RIPOR2: variants seen among roughly 807,000 people sequenced by gnomAD.
RIPOR2 encodes rho family-interacting cell polarization regulator 2.
In RIPOR2, 39 loss-of-function variants were observed where a neutral mutation model predicts 114.5. The ratio of observed to expected loss-of-function variants is 0.34; its 90% CI spans 0.26 to 0.44. The LOEUF is 0.44. Among genes scored for constraint, RIPOR2 ranks in the 20% least tolerant of loss-of-function variants. The pLI, the probability that RIPOR2 is intolerant of heterozygous loss-of-function variation, is 1.00. For missense variants in RIPOR2, 1,007 were observed against 1,255.1 expected (o/e 0.80, Z 2.99); for synonymous variants, 445 against 484.4 (o/e 0.92, Z 1.07).
chr6:25,011,094 A>G (rs79279940), intron 1 of RIPOR2, among the ~76,000 whole-genome samples: 1,904 of 152,298 alleles, frequency 0.013, 16 homozygotes, highest in Middle Eastern at 0.02. Context: ...TACAGAATCT[A>G]TGAAAAAAAA....
intron 2 of RIPOR2, 97 bp from the exon 3 acceptor site, chr6:24,873,896 CA>C: frequency 9.4e-7 from 1 of 1,065,750 alleles, no homozygotes; most frequent in Non-Finnish European, 1.4e-6. Flanking sequence ...GTTTTAGAGA[CA>C]AAGTCTTCTT....
chr6:25,013,291 A>C (rs1252528304), intron 1 of RIPOR2, among the ~76,000 whole-genome samples: 1 of 152,046 alleles, frequency 6.6e-6, no homozygotes, highest in Non-Finnish European at 1.5e-5. Flanking sequence ...TTTCTTTCAG[A>C]ACAGTGATTC....
chr6:25,019,774 C>CA (rs34107737), intron 1 of RIPOR2, among the ~76,000 whole-genome samples: 6,343 of 53,148 alleles, frequency 0.12, 1,010 homozygotes, highest in African/African-American at 0.31. Context: ...GACTCTGTCT[C>CA]AAAAAAAAAA....
chr6:25,022,431 C>T (rs1295127999), intron 1 of RIPOR2, among the ~76,000 whole-genome samples: 1 of 148,944 alleles, frequency 6.7e-6, no homozygotes, highest in Non-Finnish European at 1.5e-5. Context: ...AGTCATATCT[C>T]ATTGTATGGA....
intron 1 of RIPOR2, chr6:25,015,888 GTTTTTT>G (rs1775952723): frequency 2.7e-5 from 2 of 74,046 alleles, no homozygotes; most frequent in African/African-American, 1.1e-4. Flanking sequence ...AAAAACGCAG[GTTTTTT>G]GGTTTTTTTT....
chr6:24,960,211 T>G (rs933993625), intron 1 of RIPOR2, among the ~76,000 whole-genome samples: 22 of 152,174 alleles, frequency 1.4e-4, no homozygotes, highest in South Asian at 1.0e-3. Context: ...ATCCTGAGAC[T>G]GGGTAATTTA....
At chr6:25,006,791 C>T (rs886530465) in intron 1 of RIPOR2, among the ~76,000 whole-genome samples, 2 of 152,244 alleles carry the variant, frequency 1.3e-5, no homozygotes, top group African/African-American at 4.8e-5. Flanking sequence ...AAATATAGCA[C>T]AGCTATATAA....
intron 12 of RIPOR2, chr6:24,847,627 G>A (rs1389128903): frequency 1.5e-5 from 24 of 1,551,586 alleles, no homozygotes; most frequent in Non-Finnish European, 2.0e-5. Context: ...GGCAAAGAAA[G>A]TGTCTTGCAA....
chr6:25,034,542 T>C (rs1473843892), intron 1 of RIPOR2, among the ~76,000 whole-genome samples: 3 of 152,212 alleles, frequency 2.0e-5, no homozygotes, highest in Non-Finnish European at 4.4e-5. Flanking sequence ...ATTCTGGTAA[T>C]TTTCTGTTAC....
intron 1 of RIPOR2, chr6:24,876,965 G>A (rs1364158236): frequency 1.0e-6 from 1 of 985,296 alleles, no homozygotes; most frequent in South Asian, 4.7e-5. Context: ...GTCTTAGCAG[G>A]TGACTTCAAT....
chr6:24,957,395 C>G (rs1561807095), intron 1 of RIPOR2, among the ~76,000 whole-genome samples: 1 of 152,084 alleles, frequency 6.6e-6, no homozygotes, highest in Admixed American at 6.5e-5. Context: ...GTAACTTGTC[C>G]AAAGTTACAT....
Position 24,935,320 on chromosome 6 carries a change from C to CAA in RIPOR2, c.61+516_61+517dup, listed in dbSNP as rs976245217. Among the ~76,000 whole-genome samples the CAA allele has an allele frequency of 2.7e-4, 6 of 21,836 alleles. No homozygotes were observed. In the East Asian group the frequency reaches 3.5e-3, roughly 13 times the overall value. 14.3% of individuals were successfully genotyped at this position (21,836 alleles called of 152,430 possible). ...AAGACTCTGTCTCAAAAAACAACAA[C>CAA]AAAAAAAAAAAAAAAAAAAAAGAGA... On this transcript the variant is annotated intron_variant, in intron 1 of 21. Transcript: ENST00000643898.
intron 1 of RIPOR2, among the ~76,000 whole-genome samples, chr6:24,924,851 G>A (rs1770747204): frequency 6.6e-6 from 1 of 152,118 alleles, no homozygotes; most frequent in South Asian, 2.1e-4. Context: ...TAAAAAGCTA[G>A]ATAAATAGTT....
intron 1 of RIPOR2, among the ~76,000 whole-genome samples, chr6:24,922,719 G>C (rs1351938826): frequency 6.6e-6 from 1 of 151,896 alleles, no homozygotes; most frequent in Non-Finnish European, 1.5e-5. Flanking sequence ...AATTAGCCTG[G>C]TGTGTTGGCG....
intron 1 of RIPOR2, among the ~76,000 whole-genome samples, chr6:24,912,989 C>A (rs1409645310): frequency 6.6e-6 from 1 of 152,206 alleles, no homozygotes; most frequent in Non-Finnish European, 1.5e-5. Flanking sequence ...GAACAAGTAA[C>A]TTCCTGATGA....
At chr6:24,811,228 CTTTTTTTTTTTTTTT>C (rs59559836) in intron 20 of RIPOR2, among the ~76,000 whole-genome samples, 2 of 93,782 alleles carry the variant, frequency 2.1e-5, no homozygotes, top group Non-Finnish European at 2.1e-5. Context: ...TTCTCTCATT[CTTTTTTTTTTTTTTT>C]TTTTTTTTTT....
chr6:24,957,227 C>G (rs1773080325), intron 1 of RIPOR2, among the ~76,000 whole-genome samples: 1 of 152,070 alleles, frequency 6.6e-6, no homozygotes, highest in African/African-American at 2.4e-5. Flanking sequence ...TGTAACGACT[C>G]TTTTTAAGAA....
intron 1 of RIPOR2, among the ~76,000 whole-genome samples, chr6:24,941,890 G>T (rs1040280086): frequency 1.1e-4 from 17 of 152,194 alleles, no homozygotes; most frequent in South Asian, 4.1e-4. Flanking sequence ...GACAGAAGGG[G>T]TGGAGAAAAG....
At chr6:25,033,325 C>A (rs946057970) in intron 1 of RIPOR2, among the ~76,000 whole-genome samples, 7 of 151,996 alleles carry the variant, frequency 4.6e-5, no homozygotes, top group African/African-American at 1.7e-4. Flanking sequence ...TCACAGTGTC[C>A]CAGTTTTGCC....
Sources: allele counts gnomAD v4.1 joint callset (sites outside exome capture counted in the v4.1 genomes callset), GRCh38; gene constraint gnomAD v4.1.1; transcripts MANE v1.5; gene names NCBI Gene and HGNC (gene_info 2026-07-23, HGNC 2026-07-21).